FRMD3: variants seen among roughly 807,000 people sequenced by gnomAD.
FRMD3 encodes the protein FERM domain-containing protein 3.
FRMD3 carries 33 observed loss-of-function variants against 70.2 expected under a neutral mutation model. The ratio of observed to expected loss-of-function variants is 0.47; its 90% confidence interval spans 0.36 to 0.63. The LOEUF (loss-of-function observed/expected upper bound fraction) is 0.63. FRMD3 is among the 20% of genes least tolerant of loss of function. The pLI is 0.00. For missense variants in FRMD3, 632 were observed against 711.4 expected (o/e 0.89, Z 1.27); for synonymous variants, 279 against 255.9 (o/e 1.09, Z -0.86).
chr9:83,531,462 A>T (rs2131558081), intron 1 of FRMD3, among the ~76,000 whole-genome samples: 1 of 152,332 alleles, frequency 6.6e-6, no homozygotes, highest in South Asian at 2.1e-4. Flanking sequence ...ACTTAATATA[A>T]AGAGCTGGCC....
At chr9:83,384,027 A>G (rs1286553061) in intron 2 of FRMD3, among the ~76,000 whole-genome samples, 1 of 152,194 alleles carries the variant, frequency 6.6e-6, no homozygotes, top group Non-Finnish European at 1.5e-5. Flanking sequence ...TGAAGCACTG[A>G]CAATATATTC....
intron 12 of FRMD3, among the ~76,000 whole-genome samples, chr9:83,291,814 G>A (rs1028453481): frequency 1.1e-4 from 17 of 152,288 alleles, no homozygotes; most frequent in Non-Finnish European, 2.4e-4. Flanking sequence ...GACATATGTT[G>A]CCATTTCAGC....
intron 13 of FRMD3, among the ~76,000 whole-genome samples, chr9:83,258,584 C>T (rs895387498): frequency 6.6e-5 from 10 of 152,232 alleles, no homozygotes; most frequent in Non-Finnish European, 1.5e-4. Flanking sequence ...AAGGATCGAA[C>T]TGAGAGAAAG....
the FRMD3 span, among the ~76,000 whole-genome samples, chr9:83,584,876 C>A: frequency 6.6e-6 from 1 of 152,166 alleles, no homozygotes; most frequent in Non-Finnish European, 1.5e-5. Context: ...GCAGTGTTAG[C>A]TCTATTCATT....
chr9:83,358,082 C>A (rs7048102), intron 3 of FRMD3, among the ~76,000 whole-genome samples: 13,155 of 152,222 alleles, frequency 0.086, 624 homozygotes, highest in East Asian at 0.15. Flanking sequence ...AGATTTAAGT[C>A]TTTGATCCAT....
chr9:83,419,468 G>C (rs1195291545), intron 1 of FRMD3, among the ~76,000 whole-genome samples: 1 of 151,710 alleles, frequency 6.6e-6, no homozygotes, highest in Non-Finnish European at 1.5e-5. Context: ...GTGTGTGTGT[G>C]TGTGTTCATG....
At chr9:83,522,549 T>A (rs189391679) in intron 1 of FRMD3, among the ~76,000 whole-genome samples, 1,639 of 146,220 alleles carry the variant, frequency 0.011, 29 homozygotes, top group Admixed American at 0.015. Context: ...ACCACAAATT[T>A]TATATATATA....
chr9:83,300,954 C>T (rs1834899997), intron 10 of FRMD3, among the ~76,000 whole-genome samples: 1 of 152,156 alleles, frequency 6.6e-6, no homozygotes, highest in Admixed American at 6.5e-5. Context: ...TGCAAAGAAG[C>T]CCCTTCCCAC....
At chr9:83,317,425 C>T (rs1231214355) in intron 6 of FRMD3, among the ~76,000 whole-genome samples, 6 of 152,092 alleles carry the variant, frequency 3.9e-5, no homozygotes, top group Non-Finnish European at 7.4e-5. Context: ...CAGCTTTGCT[C>T]GGGGTGATCC....
At chr9:83,545,606 C>A in the FRMD3 span, among the ~76,000 whole-genome samples, 1 of 152,046 alleles carries the variant, frequency 6.6e-6, no homozygotes, top group Non-Finnish European at 1.5e-5. Context: ...ATCTGCCCCC[C>A]TCGGCCTCCC....
intron 1 of FRMD3, among the ~76,000 whole-genome samples, chr9:83,517,183 G>C (rs1829471265): frequency 1.3e-5 from 2 of 152,102 alleles, no homozygotes; most frequent in African/African-American, 4.8e-5. Context: ...GAAACCAGGA[G>C]CTGGTTTTTT....
intron 1 of FRMD3, among the ~76,000 whole-genome samples, chr9:83,505,401 G>C (rs1829159272): frequency 6.6e-6 from 1 of 152,192 alleles, no homozygotes; most frequent in South Asian, 2.1e-4. Flanking sequence ...TCTAAGATCA[G>C]CCAAGTGCTG....
chr9:83,265,293 G>A (rs1268980176), intron 13 of FRMD3, among the ~76,000 whole-genome samples: 3 of 151,518 alleles, frequency 2.0e-5, no homozygotes, highest in Non-Finnish European at 2.9e-5. Flanking sequence ...TCAGCTACTC[G>A]GGAGGCTGAG....
At chr9:83,533,775 A>C (rs1374704730) in intron 1 of FRMD3, among the ~76,000 whole-genome samples, 1 of 152,226 alleles carries the variant, frequency 6.6e-6, no homozygotes, top group African/African-American at 2.4e-5. Context: ...TTCAATCTAC[A>C]TCGATATTTA....
At chr9:83,449,046 G>A (rs1264895652) in intron 1 of FRMD3, among the ~76,000 whole-genome samples, 1 of 152,180 alleles carries the variant, frequency 6.6e-6, no homozygotes, top group African/African-American at 2.4e-5. Context: ...AGGGCAAGGA[G>A]ATCAGGAAGC....
intron 4 of FRMD3, among the ~76,000 whole-genome samples, chr9:83,347,093 T>C (rs1034104144): frequency 1.3e-5 from 2 of 152,252 alleles, no homozygotes; most frequent in African/African-American, 4.8e-5. Flanking sequence ...CAAATAACTA[T>C]TTATTGATAA....
At position 83,245,106 on chromosome 9, in the gene FRMD3, T is replaced by C. The variant is rs1587603094; in HGVS notation, c.*2812A>G. On this transcript the variant is annotated 3_prime_UTR_variant, in exon 14 of 14. Coordinates refer to ENST00000304195, the MANE Select transcript of FRMD3 (RefSeq NM_174938.6). ...GAGGGAGAAGAACCAATAATACATCTCAAATTCCTCAATTAGGGCAAAATA... is the reference window on the plus strand; with the variant it reads ...GAGGGAGAAGAACCAATAATACATCCCAAATTCCTCAATTAGGGCAAAATA... 6 of 985,334 alleles carry C rather than the reference T, an allele frequency of 6.1e-6. No individual in the cohort carries two copies. The highest frequency in any genetic ancestry group is 2.3e-4 in the East Asian group (2 of 8,814). The allele number at this position is 985,334 out of a possible 1,614,324, so 61.0% of individuals were successfully genotyped here.
intron 1 of FRMD3, among the ~76,000 whole-genome samples, chr9:83,473,258 A>C (rs1254514224): frequency 1.3e-5 from 2 of 152,038 alleles, no homozygotes; most frequent in African/African-American, 2.4e-5. Context: ...GCCTCTGTGC[A>C]CACCAGTCTC....
intron 1 of FRMD3, among the ~76,000 whole-genome samples, chr9:83,461,855 T>C (rs2131440075): frequency 6.6e-6 from 1 of 151,888 alleles, no homozygotes; most frequent in East Asian, 1.9e-4. Flanking sequence ...ACCCAGCTAA[T>C]TTTTGTATTT....
Sources: gnomAD v4.1 joint callset for allele counts (sites outside exome capture counted in the v4.1 genomes callset) on GRCh38, gnomAD v4.1.1 for gene constraint, MANE v1.5 for transcripts, NCBI Gene and HGNC (gene_info 2026-07-23, HGNC 2026-07-21) for gene names.